Variants in FRAS1 observed in about 807,000 individuals in gnomAD.
FRAS1 encodes extracellular matrix organizing protein FRAS1.
In FRAS1, 290 loss-of-function variants were observed where a neutral mutation model predicts 435.2. The ratio of observed to expected loss-of-function variants is 0.67; its 90% CI spans 0.61 to 0.73. FRAS1 has a LOEUF of 0.73. Ranked by LOEUF, FRAS1 falls within the 30% of genes least tolerant of loss-of-function variation. FRAS1 has a pLI of 0.00. For synonymous variants in FRAS1, 1,800 were observed against 1,851.0 expected, an observed-to-expected ratio of 0.97 and a Z score of 0.71; for missense variants, 4,860 against 5,001.5, an observed-to-expected ratio of 0.97 and a Z score of 0.85.
chr4:78,376,456 C>T (rs980449731), intron 26 of FRAS1, among the ~76,000 whole-genome samples: 4 of 152,098 alleles, frequency 2.6e-5, no homozygotes, highest in African/African-American at 9.7e-5. Context: ...TATGGGACCA[C>T]CATCATATAA....
At chr4:78,356,209 A>G (rs1398912158) in intron 20 of FRAS1, among the ~76,000 whole-genome samples, 1 of 152,158 alleles carries the variant, frequency 6.6e-6, no homozygotes, top group African/African-American at 2.4e-5. Context: ...GGAAATTGTC[A>G]CACATGCAGC....
rs560081301 is a variant in FRAS1, at chr4:78,273,117, C to G, written c.982-5538C>G. Reference sequence around the variant, plus strand: ...ATGCATGATTTGGCTCTCTGTTTATCTGTTATTGGTGTATAAGAATGCTTG... The same window carrying G: ...ATGCATGATTTGGCTCTCTGTTTATGTGTTATTGGTGTATAAGAATGCTTG... On this transcript the variant is annotated intron_variant, in intron 9 of 73. Transcript: ENST00000512123. Among the ~76,000 whole-genome samples the G allele has an allele frequency of 4.6e-5, 7 of 152,230 alleles. No individual in the cohort carries two copies. In the East Asian group the frequency reaches 1.4e-3, roughly 29 times the overall value.
intron 37 of FRAS1, among the ~76,000 whole-genome samples, chr4:78,431,068 C>T (rs1734202419): frequency 6.6e-6 from 1 of 152,152 alleles, no homozygotes; most frequent in African/African-American, 2.4e-5. Context: ...TCAAAGTACC[C>T]ACCTCTGGAT....
At position 78,059,658 on chromosome 4, in the gene FRAS1, G is replaced by T. The variant is rs1224042917; in HGVS notation, c.76+1573G>T. 2.0e-5 allele frequency among the ~76,000 whole-genome samples: 3 copies of T among 151,840 alleles called. No individual in the cohort carries two copies. In the East Asian group the frequency reaches 5.8e-4, roughly 29 times the overall value. On this transcript the variant is annotated intron_variant, in intron 1 of 73. Transcript: ENST00000512123. ...AAATTTAGAGTCCTATCCCAGCAAC[G>T]CAGGAAACGTGCTATCACTCCCGGA...
intron 14 of FRAS1, among the ~76,000 whole-genome samples, chr4:78,303,145 G>A (rs1026436955): frequency 3.9e-5 from 6 of 152,040 alleles, no homozygotes; most frequent in African/African-American, 1.4e-4. Context: ...TTTTCTCAGG[G>A]TTGCCAAAGA....
Position 78,432,554 on chromosome 4 carries a change from G to A in FRAS1, c.5167G>A (p.Val1723Ile). ...LAAGSSLSIT[V>I]ASKSTAIITR... ...TGCTGGCTCCTCTCTGAGCATTACT[G>A]TTGCCAGTAAAAGCACAGCCATAAT... Residue 1723 changes from valine to isoleucine, a missense_variant, in exon 38 of 74, where the codon GTT (valine) becomes ATT (isoleucine). Transcript: ENST00000512123. 6.2e-7 allele frequency: 1 copy of A among 1,610,478 alleles called. No individual in the cohort carries two copies. Among genetic ancestry groups the A allele is most frequent in the East Asian group, 2.2e-5 (1 of 44,826 alleles).
intron 2 of FRAS1, among the ~76,000 whole-genome samples, chr4:78,211,081 T>A (rs1723483443): frequency 6.6e-6 from 1 of 152,194 alleles, no homozygotes; most frequent in Non-Finnish European, 1.5e-5. Flanking sequence ...GCTTAAATTA[T>A]AGTGAGAAGT....
intron 2 of FRAS1, among the ~76,000 whole-genome samples, chr4:78,226,055 T>C (rs528324744): frequency 6.6e-6 from 1 of 152,304 alleles, no homozygotes; most frequent in Admixed American, 6.5e-5. Context: ...ACTTTTACTA[T>C]TCCTTTAGTG....
At chr4:78,230,169 G>C (rs889976665) in intron 2 of FRAS1, among the ~76,000 whole-genome samples, 2 of 152,190 alleles carry the variant, frequency 1.3e-5, no homozygotes, top group African/African-American at 2.4e-5. Context: ...TCAGGTACAA[G>C]CTAATCATGC....
rs1428251245 is a variant in FRAS1 at position 78,375,738 on chromosome 4, G to A, written c.3152-1G>A. ...TCATTTAGTGTTTCCTTTTTTAATAGCCTGCCCTCAGGGGTGCTTGCAGTG... is the reference window on the plus strand; with the variant it reads ...TCATTTAGTGTTTCCTTTTTTAATAACCTGCCCTCAGGGGTGCTTGCAGTG... On this transcript the variant is annotated splice_acceptor_variant, in intron 25 of 73. Transcript: ENST00000512123. LOFTEE classifies it high-confidence loss of function. 2 of 1,576,980 alleles carry A rather than the reference G, an allele frequency of 1.3e-6. No homozygotes were observed. The highest frequency in any genetic ancestry group is 1.7e-6 in the Non-Finnish European group (2 of 1,162,890).
chr4:78,100,347 TG>T (rs1375337950), intron 2 of FRAS1, among the ~76,000 whole-genome samples: 1 of 152,196 alleles, frequency 6.6e-6, no homozygotes, highest in East Asian at 1.9e-4. Flanking sequence ...CAACTTCTGT[TG>T]TGAATATGAG....
intron 58 of FRAS1, among the ~76,000 whole-genome samples, chr4:78,484,223 T>C (rs1486559299): frequency 1.3e-5 from 2 of 152,162 alleles, no homozygotes; most frequent in Non-Finnish European, 2.9e-5. Flanking sequence ...CATATGTGAG[T>C]AGTTCATTCC....
intron 50 of FRAS1, among the ~76,000 whole-genome samples, chr4:78,469,437 T>G (rs1316521419): frequency 6.6e-6 from 1 of 152,058 alleles, no homozygotes; most frequent in African/African-American, 2.4e-5. Context: ...CCCCTCACCC[T>G]CATATAGAGA....
chr4:78,073,003 C>A, intron 2 of FRAS1, among the ~76,000 whole-genome samples: 1 of 151,980 alleles, frequency 6.6e-6, no homozygotes. Context: ...AGGAAAGAAG[C>A]CCTTACAGAA....
At chr4:78,507,840 G>T (rs1720892429) in intron 62 of FRAS1, among the ~76,000 whole-genome samples, 1 of 152,038 alleles carries the variant, frequency 6.6e-6, no homozygotes, top group South Asian at 2.1e-4. Context: ...TAAAAGCCAG[G>T]GATACTCCTA....
chr4:78,307,003 C>T (rs2110217415), intron 14 of FRAS1, among the ~76,000 whole-genome samples: 1 of 152,306 alleles, frequency 6.6e-6, no homozygotes, highest in East Asian at 1.9e-4. Flanking sequence ...GTTTTATCTA[C>T]TTTTGGTCTT....
In FRAS1 at chr4:78,515,944, C is replaced by A. The variant is rs772267192; in HGVS notation, c.10320C>A (p.Thr3440=). 6.2e-7 allele frequency: 1 copy of A among 1,613,996 alleles called. No homozygotes were observed. The highest frequency in any genetic ancestry group is 1.1e-5 in the South Asian group (1 of 91,076). The change falls in exon 66 of 74, where the codon ACC becomes ACA. Residue 3440 remains threonine, a synonymous_variant. Transcript: ENST00000512123. ...TGAACCTGAAGAGCTGCGTGTGGAC[C>A]TTTGATGCTTATTATGACATGACTG... ...KHLNLKSCVW[T]FDAYYDMTEL... is the part of the protein sequence containing the mutation.
rs977549609 is a variant in FRAS1, at chr4:78,389,230, G to A, written c.3975+1529G>A. 2.0e-5 allele frequency among the ~76,000 whole-genome samples: 3 copies of A among 152,230 alleles called. No individual in the cohort carries two copies. In the East Asian group the frequency reaches 5.8e-4, roughly 29 times the overall value. ...TCAAGAATGGCTCTTTCTCATGGTAGTAGATTGGGAAACATAAATCTTAAA... is the reference window on the plus strand; with the variant it reads ...TCAAGAATGGCTCTTTCTCATGGTAATAGATTGGGAAACATAAATCTTAAA... On this transcript the variant is annotated intron_variant, in intron 29 of 73. Transcript: ENST00000512123.
At chr4:78,413,699 G>A (rs1460038776) in intron 32 of FRAS1, among the ~76,000 whole-genome samples, 1 of 152,190 alleles carries the variant, frequency 6.6e-6, no homozygotes, top group Non-Finnish European at 1.5e-5. Flanking sequence ...CAACAAGACT[G>A]GAGAAATCAG....
Sources: allele counts gnomAD v4.1 joint callset (sites outside exome capture counted in the v4.1 genomes callset), GRCh38; gene constraint gnomAD v4.1.1; transcripts MANE v1.5; gene names NCBI Gene and HGNC (gene_info 2026-07-23, HGNC 2026-07-21).